DKK2: variants seen among roughly 807,000 people sequenced by gnomAD.
DKK2 encodes the protein dickkopf-related protein 2.
DKK2 carries 11 observed loss-of-function variants against 28.1 expected under a neutral mutation model. The observed-to-expected ratio is 0.39, with a 90% CI of 0.25 to 0.65. The LOEUF is 0.65. DKK2 is among the 30% of genes least tolerant of loss of function. The pLI, the probability that DKK2 is intolerant of heterozygous loss-of-function variation, is 0.47. For missense variants in DKK2, 326 were observed against 335.5 expected (o/e 0.97, Z 0.22); for synonymous variants, 135 against 126.5 (o/e 1.07, Z -0.45).
chr4:106,964,876 G>A (rs2110351720), intron 1 of DKK2, among the ~76,000 whole-genome samples: 1 of 152,054 alleles, frequency 6.6e-6, no homozygotes, highest in South Asian at 2.1e-4. Context: ...CCACAATCAT[G>A]TCAGCCAATT....
intron 1 of DKK2, among the ~76,000 whole-genome samples, chr4:106,937,169 G>A: frequency 6.7e-6 from 1 of 149,566 alleles, no homozygotes; most frequent in South Asian, 2.1e-4. Context: ...GACACAGACT[G>A]GCAAATTGGA....
At chr4:107,013,199 T>C (rs1178089602) in intron 1 of DKK2, among the ~76,000 whole-genome samples, 1 of 151,298 alleles carries the variant, frequency 6.6e-6, no homozygotes, top group Non-Finnish European at 1.5e-5. Flanking sequence ...AAAACTTGTA[T>C]AGAACCACAA....
At chr4:106,925,224 T>C (rs1489254843) in intron 2 of DKK2, among the ~76,000 whole-genome samples, 2 of 152,206 alleles carry the variant, frequency 1.3e-5, no homozygotes, top group Non-Finnish European at 2.9e-5. Context: ...TATGATTAAG[T>C]ATATATTTCT....
chr4:106,975,533 T>G (rs951426612), intron 1 of DKK2, among the ~76,000 whole-genome samples: 2 of 152,196 alleles, frequency 1.3e-5, no homozygotes, highest in African/African-American at 4.8e-5. Flanking sequence ...TGCCTAGAGG[T>G]GTTAAAGTAT....
chr4:106,941,827 C>A (rs1724704249), intron 1 of DKK2, among the ~76,000 whole-genome samples: 1 of 152,106 alleles, frequency 6.6e-6, no homozygotes, highest in Admixed American at 6.6e-5. Flanking sequence ...AAAGCCCCAG[C>A]ATGGAGGGAA....
intron 1 of DKK2, among the ~76,000 whole-genome samples, chr4:107,011,491 C>T (rs976873434): frequency 6.6e-6 from 1 of 151,600 alleles, no homozygotes; most frequent in Non-Finnish European, 1.5e-5. Flanking sequence ...TGAAAAATTG[C>T]TATCAGTCCA....
intron 1 of DKK2, among the ~76,000 whole-genome samples, chr4:106,999,387 C>T (rs1324624131): frequency 6.6e-6 from 1 of 152,118 alleles, no homozygotes; most frequent in Non-Finnish European, 1.5e-5. Flanking sequence ...CTCTCTCTGT[C>T]CCAGGCTGGA....
At chr4:106,987,958 G>A (rs1723147002) in intron 1 of DKK2, among the ~76,000 whole-genome samples, 2 of 150,372 alleles carry the variant, frequency 1.3e-5, no homozygotes, top group Admixed American at 1.3e-4. Flanking sequence ...TCCGCCTCCC[G>A]GGTTCAAGCA....
intron 1 of DKK2, among the ~76,000 whole-genome samples, chr4:106,977,831 A>G (rs1309196171): frequency 1.3e-5 from 2 of 151,806 alleles, no homozygotes; most frequent in Non-Finnish European, 2.9e-5. Context: ...GGTTTTTGGA[A>G]TTTTCTGCCT....
At chr4:106,973,343 A>G (rs1234278902) in intron 1 of DKK2, among the ~76,000 whole-genome samples, 1 of 152,026 alleles carries the variant, frequency 6.6e-6, no homozygotes, top group Non-Finnish European at 1.5e-5. Context: ...ACTAATTAAC[A>G]CTCCCACCAA....
In DKK2 at chr4:106,947,226, T is replaced by G. The variant is rs868838758; in HGVS notation, c.223-21277A>C. 8.5e-5 allele frequency among the ~76,000 whole-genome samples: 13 copies of G among 152,204 alleles called. No individual in the cohort carries two copies. The Middle Eastern group carries it at 0.02, about 239-fold the overall frequency. ...ATATGGAGTGCCTTGACTTATTTAT[T>G]TATTGGTCTTGGAATGAATGGGATC... On this transcript the variant is annotated intron_variant, in intron 1 of 3. Transcript: ENST00000285311.
chr4:106,983,336 G>GGAA lies in DKK2; in HGVS notation c.222+52031_222+52033dup, dbSNP rs1560585814. ...AAGAAAGAAGAAAGAAAGGAAGAAA[G>GGAA]GAAGAAAGAAAGAAAGAAAGAAAGA... On this transcript the variant is annotated intron_variant, in intron 1 of 3. Transcript: ENST00000285311. Among the ~76,000 whole-genome samples, 4 of 116,220 alleles carry GGAA rather than the reference G, an allele frequency of 3.4e-5. 1 individual carries two copies. Among genetic ancestry groups the GGAA allele is most frequent in the Non-Finnish European group, 7.3e-5 (4 of 54,800 alleles). The allele number at this position is 116,220 out of a possible 152,430, so 76.2% of individuals were successfully genotyped here.
chr4:106,999,948 A>G (rs1427758088), intron 1 of DKK2, among the ~76,000 whole-genome samples: 2 of 152,330 alleles, frequency 1.3e-5, no homozygotes, highest in East Asian at 3.9e-4. Flanking sequence ...TCTCACTACA[A>G]AAATGCATAA....
intron 1 of DKK2, among the ~76,000 whole-genome samples, chr4:106,992,859 G>C (rs1380899082): frequency 6.6e-6 from 1 of 152,118 alleles, no homozygotes; most frequent in Non-Finnish European, 1.5e-5. Context: ...AAGCACTTTG[G>C]GCTTGTTGCT....
intron 1 of DKK2, among the ~76,000 whole-genome samples, chr4:107,006,746 A>G (rs140998988): frequency 6.6e-6 from 1 of 152,218 alleles, no homozygotes; most frequent in Admixed American, 6.5e-5. Flanking sequence ...TGCGTCCTGC[A>G]TTTATAGAAA....
intron 1 of DKK2, among the ~76,000 whole-genome samples, chr4:106,988,974 G>C (rs187939230): frequency 1.3e-5 from 2 of 152,196 alleles, no homozygotes; most frequent in Non-Finnish European, 2.9e-5. Context: ...TGGGGTTGAA[G>C]CTAGGCTCAC....
rs568562947 is a variant in DKK2 at position 106,996,405 on chromosome 4, A to G, written c.222+38965T>C. ...ACACCTTTCCTAGACAGCAGATTAT[A>G]AGGTTAGTATGCTACCAAGAAAGGT... On this transcript the variant is annotated intron_variant, in intron 1 of 3. Coordinates refer to ENST00000285311, the MANE Select transcript of DKK2 (RefSeq NM_014421.3). Among the ~76,000 whole-genome samples the G allele has an allele frequency of 1.1e-4, 16 of 152,330 alleles. No individual in the cohort carries two copies. The South Asian group carries it at 3.1e-3, about 30-fold the overall frequency.
chr4:106,936,799 G>A (rs1479964276), intron 1 of DKK2, among the ~76,000 whole-genome samples: 2 of 151,986 alleles, frequency 1.3e-5, no homozygotes. Flanking sequence ...AGAAGAGAGT[G>A]GGGGCCAATA....
At chr4:106,959,793 C>G (rs968931851) in intron 1 of DKK2, among the ~76,000 whole-genome samples, 1 of 152,014 alleles carries the variant, frequency 6.6e-6, no homozygotes, top group African/African-American at 2.4e-5. Context: ...AACCTAGTTG[C>G]CTTTCCTCCC....
Sources: gnomAD v4.1 joint callset for allele counts (sites outside exome capture counted in the v4.1 genomes callset) on GRCh38, gnomAD v4.1.1 for gene constraint, MANE v1.5 for transcripts, NCBI Gene and HGNC (gene_info 2026-07-23, HGNC 2026-07-21) for gene names.